Variants in B4GALT5 observed in about 807,000 individuals in gnomAD.
B4GALT5 encodes the protein UDP-Gal:beta-GlcNAc beta-1,4-galactosyltransferase 5.
In B4GALT5, 11 loss-of-function variants were observed where a neutral mutation model predicts 45.0. That is an observed-to-expected ratio of 0.24 (90% confidence interval 0.15 to 0.40). The LOEUF (loss-of-function observed/expected upper bound fraction) is 0.40, where lower values mean the gene tolerates loss of function less well. Among genes scored for constraint, B4GALT5 ranks in the 10% least tolerant of loss-of-function variants. The pLI is 1.00. For synonymous variants in B4GALT5, 185 were observed against 182.9 expected (o/e 1.01, Z -0.09); for missense variants, 337 against 500.2 (o/e 0.67, Z 3.11).
chr20:49,683,385 A>ATT (rs66503719), intron 1 of B4GALT5, among the ~76,000 whole-genome samples: 1,820 of 96,530 alleles, frequency 0.019, 61 homozygotes, highest in African/African-American at 0.068. Context: ...ACAGGTTTAA[A>ATT]TTTTTTTTTT....
chr20:49,675,391 T>C (rs2085733046), intron 1 of B4GALT5, among the ~76,000 whole-genome samples: 1 of 152,212 alleles, frequency 6.6e-6, no homozygotes, highest in South Asian at 2.1e-4. Flanking sequence ...ATTTACACTT[T>C]ACTTTTAAAT....
intron 2 of B4GALT5, among the ~76,000 whole-genome samples, chr20:49,651,751 T>C (rs773319811): frequency 1.3e-5 from 2 of 152,192 alleles, no homozygotes; most frequent in East Asian, 3.8e-4. Context: ...GCAGCCTTGG[T>C]TGCACATTGG....
At chr20:49,707,395 A>G (rs2085888758) in intron 1 of B4GALT5, among the ~76,000 whole-genome samples, 1 of 151,990 alleles carries the variant, frequency 6.6e-6, no homozygotes, top group Non-Finnish European at 1.5e-5. Context: ...CCTTCACGGG[A>G]TAAGGCTCTT....
Position 49,656,534 on chromosome 20 carries a change from T to C in B4GALT5, c.250+34A>G, listed in dbSNP as rs775816902. Reference sequence around the variant, plus strand: ...AATTTACCTCTCTTGGGAGGAGACATTCTAATCAGACCACCTCTTTACTAA... The same window carrying C: ...AATTTACCTCTCTTGGGAGGAGACACTCTAATCAGACCACCTCTTTACTAA... On this transcript the variant is annotated intron_variant, in intron 2 of 8. Coordinates refer to ENST00000371711, the MANE Select transcript of B4GALT5 (RefSeq NM_004776.4). The C allele has an allele frequency of 1.9e-6, 3 of 1,612,870 alleles. No homozygotes were observed. The South Asian group carries it at 3.3e-5, about 18-fold the overall frequency.
intron 1 of B4GALT5, among the ~76,000 whole-genome samples, chr20:49,673,098 T>A (rs1237495123): frequency 1.3e-5 from 2 of 152,004 alleles, no homozygotes; most frequent in African/African-American, 4.8e-5. Flanking sequence ...ATACAGTGGA[T>A]TGGCCAGGCG....
intron 1 of B4GALT5, among the ~76,000 whole-genome samples, chr20:49,663,691 ATATATACATATATATATATATATAT>A (rs2085676153): frequency 1.2e-5 from 1 of 85,824 alleles, no homozygotes; most frequent in African/African-American, 5.9e-5. Context: ...AAAAAAAAAA[ATATATACATATATATATATATATAT>A]ATATATATAT....
intron 1 of B4GALT5, among the ~76,000 whole-genome samples, chr20:49,665,440 G>GTAATAATAA (rs71339446): frequency 4.4e-4 from 42 of 95,040 alleles, no homozygotes; most frequent in East Asian, 5.9e-4. Context: ...GGGGGTAGTA[G>GTAATAATAA]TAATAATAAT....
chr20:49,649,020 T>C (rs1276409599), intron 2 of B4GALT5, among the ~76,000 whole-genome samples: 2 of 152,224 alleles, frequency 1.3e-5, no homozygotes, highest in African/African-American at 4.8e-5. Flanking sequence ...TCAACTAAGA[T>C]ATTTTTGAAA....
intron 1 of B4GALT5, among the ~76,000 whole-genome samples, chr20:49,689,472 A>G (rs2085801107): frequency 6.6e-6 from 1 of 152,226 alleles, no homozygotes; most frequent in African/African-American, 2.4e-5. Flanking sequence ...AAAATTTTTA[A>G]CATTTTTAAA....
At chr20:49,650,604 T>G (rs2085618294) in intron 2 of B4GALT5, among the ~76,000 whole-genome samples, 1 of 151,976 alleles carries the variant, frequency 6.6e-6, no homozygotes, top group Non-Finnish European at 1.5e-5. Flanking sequence ...ACGGTTGCAC[T>G]CCAGCCTGGG....
rs1163104251 is a variant in B4GALT5 at position 49,713,654 on chromosome 20, G to C, written c.37C>G (p.Arg13Gly). Reference protein sequence around the residue: ...ARRGLLRLPRRSLLAALFFFS... With the variant: ...ARRGLLRLPRGSLLAALFFFS... ...AAGAAGAGCGCGGCGAGCAGCGAGC[G>C]GCGCGGCAGCCGCAGCAGCCCCCGG... The change falls in exon 1 of 9, where the codon CGC becomes GGC. Residue 13 changes from arginine to glycine, a missense_variant. Physicochemically the swap from Arg to Gly is moderately radical, Grantham distance 125 (BLOSUM62 -2). Around this residue, in one of 2 missense-constraint regions of B4GALT5, gnomAD observed 174 missense variants for 207.4 expected, o/e 0.84. Transcript: ENST00000371711. 1.9e-6 allele frequency: 3 copies of C among 1,565,420 alleles called. No homozygotes were observed. The South Asian group carries it at 3.5e-5, about 18-fold the overall frequency.
chr20:49,679,621 A>C (rs959709602), intron 1 of B4GALT5, among the ~76,000 whole-genome samples: 3 of 151,880 alleles, frequency 2.0e-5, no homozygotes, highest in African/African-American at 7.3e-5. Context: ...GGTTGCAGTG[A>C]GCCGAGATCC....
chr20:49,647,131 G>A (rs1297754271), intron 2 of B4GALT5, 53 bp from the exon 3 acceptor site: 5 of 1,095,074 alleles, frequency 4.6e-6, no homozygotes, highest in Non-Finnish European at 6.8e-6. Context: ...GATCAACCGT[G>A]CAATTATCAG....
intron 7 of B4GALT5, among the ~76,000 whole-genome samples, chr20:49,638,023 A>AAT (rs1568713882): frequency 6.7e-6 from 1 of 148,984 alleles, no homozygotes; most frequent in Non-Finnish European, 1.5e-5. Flanking sequence ...GTATCATCTA[A>AAT]TTTTTTTTTT....
chr20:49,679,295 C>T (rs2085754337), intron 1 of B4GALT5, among the ~76,000 whole-genome samples: 1 of 152,098 alleles, frequency 6.6e-6, no homozygotes, highest in Non-Finnish European at 1.5e-5. Flanking sequence ...AATCACCAGT[C>T]CTAAAATGAA....
At chr20:49,663,254 C>A (rs2085672366) in intron 1 of B4GALT5, among the ~76,000 whole-genome samples, 1 of 152,246 alleles carries the variant, frequency 6.6e-6, no homozygotes, top group South Asian at 2.1e-4. Context: ...AACCTGGATG[C>A]TGGTTATTCA....
chr20:49,638,189 T>G (rs749147398), intron 7 of B4GALT5, among the ~76,000 whole-genome samples: 4 of 152,096 alleles, frequency 2.6e-5, no homozygotes, highest in Non-Finnish European at 4.4e-5. Context: ...AGGCTAATTT[T>G]TTTTATTTTT....
At chr20:49,675,199 AT>A (rs766076826) in intron 1 of B4GALT5, among the ~76,000 whole-genome samples, 23 of 152,120 alleles carry the variant, frequency 1.5e-4, no homozygotes, top group Non-Finnish European at 2.8e-4. Flanking sequence ...GACCAAAAAA[AT>A]CACTAATTCC....
intron 1 of B4GALT5, among the ~76,000 whole-genome samples, chr20:49,693,330 C>T (rs1305543557): frequency 1.3e-5 from 2 of 152,214 alleles, no homozygotes; most frequent in African/African-American, 4.8e-5. Context: ...AAGTTCTTCA[C>T]TATCAGGTAG....
Sources: allele counts gnomAD v4.1 joint callset (sites outside exome capture counted in the v4.1 genomes callset), GRCh38; gene constraint gnomAD v4.1.1; regional missense constraint gnomAD v4.1.1; transcripts MANE v1.5; gene names NCBI Gene and HGNC (gene_info 2026-07-23, HGNC 2026-07-21).